SOX6: variants seen among roughly 807,000 people sequenced by gnomAD.
SOX6 encodes the protein SRY-box transcription factor 6.
Under a neutral mutation model 97.8 loss-of-function variants are expected in SOX6, and 11 were observed. The observed-to-expected ratio is 0.11, with a 90% CI of 0.07 to 0.19. The LOEUF is 0.19. Ranked by LOEUF, SOX6 falls within the 10% of genes least tolerant of loss-of-function variation. The pLI is 1.00. For synonymous variants in SOX6, 360 were observed against 371.4 expected, an observed-to-expected ratio of 0.97 and a Z score of 0.35; for missense variants, 810 against 1,039.5, an observed-to-expected ratio of 0.78 and a Z score of 3.04.
At chr11:16,320,778 T>C (rs1855896298) in intron 2 of SOX6, among the ~76,000 whole-genome samples, 1 of 152,216 alleles carries the variant, frequency 6.6e-6, no homozygotes, top group South Asian at 2.1e-4. Flanking sequence ...ACATATATTA[T>C]ATCTCAATTA....
intron 2 of SOX6, among the ~76,000 whole-genome samples, chr11:16,336,560 T>C (rs933984994): frequency 6.6e-6 from 1 of 152,158 alleles, no homozygotes; most frequent in African/African-American, 2.4e-5. Context: ...CTAATCGGTG[T>C]CCCTGTTTCT....
chr11:16,329,477 G>A (rs1445002423), intron 2 of SOX6, among the ~76,000 whole-genome samples: 1 of 152,152 alleles, frequency 6.6e-6, no homozygotes, highest in African/African-American at 2.4e-5. Context: ...CTGTGCAAGA[G>A]AAGATGGAAT....
chr11:16,128,960 A>C (rs1849672278), intron 6 of SOX6, among the ~76,000 whole-genome samples: 1 of 151,706 alleles, frequency 6.6e-6, no homozygotes, highest in South Asian at 2.1e-4. Flanking sequence ...TCCCAGATTC[A>C]AGTGATTCTC....
chr11:16,038,559 T>C (rs16932478), intron 12 of SOX6, among the ~76,000 whole-genome samples: 1,841 of 152,214 alleles, frequency 0.012, 35 homozygotes, highest in African/African-American at 0.041. Context: ...AGGTTGAATA[T>C]TAAATCATTT....
At chr11:16,384,087 A>G (rs1241345005) in intron 1 of SOX6, among the ~76,000 whole-genome samples, 1 of 151,964 alleles carries the variant, frequency 6.6e-6, no homozygotes, top group East Asian at 1.9e-4. Flanking sequence ...TTTAAAAATC[A>G]GAAGATAAAA....
intron 12 of SOX6, chr11:16,023,118 G>A (rs1855115440): frequency 6.6e-6 from 1 of 151,948 alleles, no homozygotes. Flanking sequence ...AAAATCCTTT[G>A]TTGACTTCCT....
chr11:16,159,154 T>C (rs1049182962), intron 6 of SOX6, among the ~76,000 whole-genome samples: 2 of 152,062 alleles, frequency 1.3e-5, no homozygotes, highest in African/African-American at 4.8e-5. Flanking sequence ...TTATTAGTTT[T>C]TCTGCTGTTA....
At chr11:16,416,202 C>G (rs1393929) in intron 1 of SOX6, among the ~76,000 whole-genome samples, 1 of 152,152 alleles carries the variant, frequency 6.6e-6, no homozygotes, top group African/African-American at 2.4e-5. Context: ...CAAACTTTAA[C>G]AGAAAGAAAA....
intron 7 of SOX6, among the ~76,000 whole-genome samples, chr11:16,105,475 G>C (rs1314562022): frequency 6.6e-6 from 1 of 152,094 alleles, no homozygotes; most frequent in African/African-American, 2.4e-5. Context: ...GGCTGAGGTA[G>C]AAAGATTGCT....
chr11:16,539,230 TA>T, intron 4 of SOX6, among the ~76,000 whole-genome samples: 1 of 151,626 alleles, frequency 6.6e-6, no homozygotes. Flanking sequence ...AACTACTGGG[TA>T]AATAACGAAG....
intron 3 of SOX6, among the ~76,000 whole-genome samples, chr11:16,708,212 T>C (rs1313624262): frequency 1.3e-5 from 2 of 152,192 alleles, no homozygotes; most frequent in Admixed American, 6.5e-5. Context: ...TAATGAAACC[T>C]TGAAATTCAT....
chr11:16,062,495 T>C (rs2133930616), intron 9 of SOX6, among the ~76,000 whole-genome samples: 1 of 151,788 alleles, frequency 6.6e-6, no homozygotes, highest in Non-Finnish European at 1.5e-5. Context: ...ATCAACAATA[T>C]AGTAAAGCTT....
chr11:16,006,331 T>A (rs1192786201), intron 13 of SOX6, among the ~76,000 whole-genome samples: 1 of 152,092 alleles, frequency 6.6e-6, no homozygotes, highest in Non-Finnish European at 1.5e-5. Context: ...TATTTGGTGG[T>A]AAAGTCCAAA....
chr11:15,999,657 A>G (rs1306386895), intron 13 of SOX6, among the ~76,000 whole-genome samples: 2 of 152,184 alleles, frequency 1.3e-5, no homozygotes, highest in Non-Finnish European at 2.9e-5. Context: ...TATTCAGGCC[A>G]TTGTGAACTC....
intron 4 of SOX6, among the ~76,000 whole-genome samples, chr11:16,568,159 G>A (rs1044225902): frequency 2.6e-5 from 4 of 151,766 alleles, no homozygotes; most frequent in African/African-American, 9.7e-5. Context: ...TATAGGCTTG[G>A]GTCCCATCCC....
upstream of SOX6, among the ~76,000 whole-genome samples, chr11:16,478,386 A>C (rs1050398714): frequency 1.3e-5 from 2 of 152,242 alleles, no homozygotes; most frequent in Non-Finnish European, 2.9e-5. Flanking sequence ...TTTTTAATCA[A>C]TGAACTATCT....
chr11:16,056,988 G>A lies in SOX6; in HGVS notation c.1102-1087C>T, dbSNP rs180930014. ...AACCAAAACAACAACAACAAAAAGA[G>A]CATGACCAAAATGTACAGTGCACAG... On this transcript the variant is annotated intron_variant, in intron 9 of 15. Coordinates refer to ENST00000683767, the MANE Select transcript of SOX6 (RefSeq NM_001367873.1). 6.6e-5 allele frequency among the ~76,000 whole-genome samples: 10 copies of A among 152,186 alleles called. No homozygotes were observed. In the East Asian group the frequency reaches 1.9e-3, roughly 29 times the overall value.
chr11:16,458,167 T>C (rs760357239), intron 1 of SOX6, among the ~76,000 whole-genome samples: 2 of 151,918 alleles, frequency 1.3e-5, no homozygotes, highest in Non-Finnish European at 2.9e-5. Flanking sequence ...TCCTTCCCAA[T>C]CAAAAATTCT....
chr11:16,170,418 T>G (rs1851006289), intron 6 of SOX6, among the ~76,000 whole-genome samples: 1 of 152,036 alleles, frequency 6.6e-6, no homozygotes, highest in Non-Finnish European at 1.5e-5. Context: ...ATGACTTTTT[T>G]AGTCAAAAAC....
Sources: gnomAD v4.1 joint callset for allele counts (sites outside exome capture counted in the v4.1 genomes callset) on GRCh38, gnomAD v4.1.1 for gene constraint, MANE v1.5 for transcripts, NCBI Gene and HGNC (gene_info 2026-07-23, HGNC 2026-07-21) for gene names.